CDH12: variants seen among roughly 807,000 people sequenced by gnomAD.
CDH12 encodes cadherin-12.
A neutral mutation model predicts 74.1 loss-of-function variants in CDH12; 41 were observed. The observed-to-expected ratio is 0.55, with a 90% CI of 0.43 to 0.72. CDH12 has a LOEUF of 0.72. Among genes scored for constraint, CDH12 ranks in the 30% least tolerant of loss-of-function variants. The pLI, the probability that CDH12 is intolerant of heterozygous loss-of-function variation, is 0.00. For missense variants in CDH12, 945 were observed against 977.2 expected, an observed-to-expected ratio of 0.97 and a Z score of 0.44; for synonymous variants, 399 against 355.0, an observed-to-expected ratio of 1.12 and a Z score of -1.39.
chr5:21,880,532 T>TTTC, intron 6 of CDH12, among the ~76,000 whole-genome samples: 1 of 120,926 alleles, frequency 8.3e-6, no homozygotes, highest in Non-Finnish European at 1.8e-5. Context: ...CTTTCTTCCT[T>TTTC]CTTTTCCTTC....
intron 6 of CDH12, among the ~76,000 whole-genome samples, chr5:21,901,558 G>A (rs1753384710): frequency 6.6e-6 from 1 of 152,130 alleles, no homozygotes; most frequent in African/African-American, 2.4e-5. Flanking sequence ...TGGAACTACT[G>A]CTTCAATGCT....
At chr5:22,005,718 A>G (rs1016616030) in intron 5 of CDH12, among the ~76,000 whole-genome samples, 1 of 152,214 alleles carries the variant, frequency 6.6e-6, no homozygotes, top group Non-Finnish European at 1.5e-5. Context: ...CTGCAAATAT[A>G]CCCAAACCAC....
At chr5:21,851,579 T>C (rs1750471492) in intron 7 of CDH12, among the ~76,000 whole-genome samples, 1 of 151,206 alleles carries the variant, frequency 6.6e-6, no homozygotes, top group East Asian at 1.9e-4. Flanking sequence ...TTTGAGTGTT[T>C]TAAATGTCAT....
At chr5:21,930,239 T>C (rs551723476) in intron 6 of CDH12, among the ~76,000 whole-genome samples, 1 of 152,270 alleles carries the variant, frequency 6.6e-6, no homozygotes, top group South Asian at 2.1e-4. Context: ...GATTGGTAAT[T>C]CTGAGAGGAA....
chr5:22,528,631 A>C (rs1472670102), intron 1 of CDH12, among the ~76,000 whole-genome samples: 7 of 152,098 alleles, frequency 4.6e-5, no homozygotes, highest in Non-Finnish European at 8.8e-5. Context: ...TAAATTCCTA[A>C]GCTCATCATT....
intron 3 of CDH12, among the ~76,000 whole-genome samples, chr5:22,357,138 G>A (rs1260110215): frequency 6.6e-6 from 1 of 152,032 alleles, no homozygotes; most frequent in South Asian, 2.1e-4. Flanking sequence ...GAAATTGATA[G>A]TACAAATACT....
intron 3 of CDH12, among the ~76,000 whole-genome samples, chr5:22,315,523 T>A (rs1169585335): frequency 6.6e-6 from 1 of 152,126 alleles, no homozygotes; most frequent in African/African-American, 2.4e-5. Flanking sequence ...TAAGAAAATG[T>A]AGGAGAATGA....
At chr5:22,801,520 G>A (rs1748511664) in intron 1 of CDH12, among the ~76,000 whole-genome samples, 1 of 151,232 alleles carries the variant, frequency 6.6e-6, no homozygotes, top group African/African-American at 2.4e-5. Flanking sequence ...TGACGAATTT[G>A]TCTTTTAACA....
intron 1 of CDH12, among the ~76,000 whole-genome samples, chr5:22,666,465 T>G (rs1346908601): frequency 6.6e-6 from 1 of 151,630 alleles, no homozygotes; most frequent in African/African-American, 2.4e-5. Flanking sequence ...AATTTTTGTA[T>G]TTTTTTAGTA....
chr5:22,635,747 C>G (rs761374792), intron 1 of CDH12, among the ~76,000 whole-genome samples: 196 of 152,130 alleles, frequency 1.3e-3, no homozygotes, highest in Admixed American at 2.2e-3. Flanking sequence ...AACCTCGTCT[C>G]TACTGAAAAT....
At chr5:22,621,115 T>C (rs1737947923) in intron 1 of CDH12, among the ~76,000 whole-genome samples, 1 of 152,178 alleles carries the variant, frequency 6.6e-6, no homozygotes, top group South Asian at 2.1e-4. Context: ...ACCACCTGTA[T>C]TACTTGGCTT....
chr5:22,702,615 AAG>A (rs1742774471), intron 1 of CDH12, among the ~76,000 whole-genome samples: 1 of 152,028 alleles, frequency 6.6e-6, no homozygotes, highest in South Asian at 2.1e-4. Context: ...TGAATGGGCT[AAG>A]AAGAAAGTGA....
At position 22,085,853 on chromosome 5, in the gene CDH12, A is replaced by G. The variant is rs116190022; in HGVS notation, c.-186-6991T>C. The stretch of plus-strand genomic sequence containing the variant: ...AGCTTTCTGCTTCCTATTGTATGAA[A>G]TGCATTATAATCAGTAAATATTTAA... On this transcript the variant is annotated intron_variant, in intron 4 of 14. Transcript: ENST00000382254. Among the ~76,000 whole-genome samples the G allele has an allele frequency of 7.0e-3, 1,059 of 152,320 alleles. 6 individuals are homozygous for G. The highest frequency in any genetic ancestry group is 1.0e-2 in the Non-Finnish European group (678 of 68,030).
At chr5:22,362,528 C>G (rs1740855477) in intron 3 of CDH12, among the ~76,000 whole-genome samples, 2 of 152,192 alleles carry the variant, frequency 1.3e-5, no homozygotes, top group Admixed American at 6.5e-5. Context: ...TGTGGTGATT[C>G]CTCAGGGATC....
chr5:22,829,203 A>G (rs908972326), intron 1 of CDH12, among the ~76,000 whole-genome samples: 1 of 152,174 alleles, frequency 6.6e-6, no homozygotes, highest in African/African-American at 2.4e-5. Context: ...GAGTAGATTT[A>G]AATTATGTTT....
intron 5 of CDH12, among the ~76,000 whole-genome samples, chr5:22,014,992 A>C (rs1473773446): frequency 1.3e-5 from 2 of 152,158 alleles, no homozygotes; most frequent in Non-Finnish European, 2.9e-5. Flanking sequence ...TACAAATGCA[A>C]GTTCATTAAA....
At chr5:22,726,375 C>G (rs1034453545) in intron 1 of CDH12, among the ~76,000 whole-genome samples, 3 of 151,652 alleles carry the variant, frequency 2.0e-5, no homozygotes, top group Non-Finnish European at 3.0e-5. Flanking sequence ...TGCCTGATAG[C>G]TCATTCCTTT....
Position 22,411,819 on chromosome 5 carries a change from G to A in CDH12, c.-427-6468C>T, listed in dbSNP as rs576362629. ...AATAATCATTTTAGAGGATAGGTTTGTGTGAATTTTTATGAATACTTCAGA... is the reference window on the plus strand; with the variant it reads ...AATAATCATTTTAGAGGATAGGTTTATGTGAATTTTTATGAATACTTCAGA... On this transcript the variant is annotated intron_variant, in intron 2 of 14. Transcript: ENST00000382254. 5.3e-5 allele frequency among the ~76,000 whole-genome samples: 8 copies of A among 152,116 alleles called. No homozygotes were observed. In the East Asian group the frequency reaches 1.4e-3, roughly 26 times the overall value.
chr5:22,312,473 G>A (rs1738436541), intron 3 of CDH12, among the ~76,000 whole-genome samples: 1 of 151,944 alleles, frequency 6.6e-6, no homozygotes, highest in South Asian at 2.1e-4. Context: ...TGTTCATATA[G>A]TTTTTTATTT....
Sources: gnomAD v4.1 joint callset for allele counts (sites outside exome capture counted in the v4.1 genomes callset) on GRCh38, gnomAD v4.1.1 for gene constraint, MANE v1.5 for transcripts, NCBI Gene and HGNC (gene_info 2026-07-23, HGNC 2026-07-21) for gene names.